The following MKLN1 variants were observed in gnomAD, a reference collection of about 807,000 sequenced individuals.
MKLN1 encodes the protein muskelin 1.
In MKLN1, 18 loss-of-function variants were observed where a neutral mutation model predicts 99.0. That is an observed-to-expected ratio of 0.18 (90% confidence interval 0.13 to 0.27). MKLN1 has a LOEUF of 0.27. MKLN1 is among the 10% of genes least tolerant of loss of function. The pLI is 1.00. For missense variants in MKLN1, 621 were observed against 875.9 expected, an observed-to-expected ratio of 0.71 and a Z score of 3.67; for synonymous variants, 288 against 293.2, an observed-to-expected ratio of 0.98 and a Z score of 0.18.
intron 6 of MKLN1, among the ~76,000 whole-genome samples, chr7:131,401,040 G>T (rs1270651169): frequency 6.6e-6 from 1 of 152,078 alleles, no homozygotes; most frequent in East Asian, 1.9e-4. Context: ...ACAGTGCAGA[G>T]TTTTTTGGCT....
intron 16 of MKLN1, 149 bp from the exon 17 acceptor site, chr7:131,478,474 G>A (rs1797025221): frequency 1.6e-6 from 1 of 628,560 alleles, no homozygotes. Flanking sequence ...TGTTCTTCTT[G>A]CCACTATTTG....
intron 3 of MKLN1, among the ~76,000 whole-genome samples, chr7:131,213,234 G>A (rs12533652): frequency 0.18 from 27,677 of 152,012 alleles, 2,956 homozygotes; most frequent in Non-Finnish European, 0.25. Flanking sequence ...ATATTCTGCC[G>A]TGTATTTTAT....
intron 3 of MKLN1, among the ~76,000 whole-genome samples, chr7:131,260,995 A>G (rs571114343): frequency 8.1e-4 from 124 of 152,362 alleles, no homozygotes; most frequent in African/African-American, 2.9e-3. Flanking sequence ...AAATCAACTC[A>G]AGATGGATTA....
chr7:131,282,964 A>T lies in MKLN1; in HGVS notation c.-179+79990A>T, dbSNP rs576123952. ...TCATCTTCATTCCACTGCAGCTCTG[A>T]CTCTGTTTAGGATGCTCACAAGGCC... On this transcript the variant is annotated intron_variant, in intron 3 of 7. Transcript: ENST00000416992. Among the ~76,000 whole-genome samples, 16 of 152,040 alleles carry T rather than the reference A, an allele frequency of 1.1e-4. No individual in the cohort carries two copies. The East Asian group carries it at 2.9e-3, about 28-fold the overall frequency.
At chr7:131,421,923 A>G (rs932045760) in intron 8 of MKLN1, among the ~76,000 whole-genome samples, 1 of 152,190 alleles carries the variant, frequency 6.6e-6, no homozygotes, top group African/African-American at 2.4e-5. Flanking sequence ...GGACACCATA[A>G]ATATATTTAT....
At chr7:131,140,129 C>T (rs751912921) in intron 1 of MKLN1, among the ~76,000 whole-genome samples, 1 of 152,240 alleles carries the variant, frequency 6.6e-6, no homozygotes, top group Non-Finnish European at 1.5e-5. Context: ...GGACCCTGCT[C>T]TCTGCCAAAC....
At chr7:131,163,879 C>T (rs551442084) in intron 2 of MKLN1, among the ~76,000 whole-genome samples, 8 of 151,996 alleles carry the variant, frequency 5.3e-5, no homozygotes, top group Non-Finnish European at 8.8e-5. Context: ...ACATGTATCA[C>T]GGGTATAATT....
intron 4 of MKLN1, among the ~76,000 whole-genome samples, chr7:131,390,375 T>C (rs977861649): frequency 6.6e-6 from 1 of 152,190 alleles, no homozygotes; most frequent in Non-Finnish European, 1.5e-5. Context: ...TTTAGAGTTA[T>C]CAGTTCCTAA....
chr7:131,341,492 A>G (rs1359068297), intron 1 of MKLN1, among the ~76,000 whole-genome samples: 12 of 152,154 alleles, frequency 7.9e-5, no homozygotes, highest in Non-Finnish European at 1.5e-5. Flanking sequence ...TTCAAAGTTT[A>G]TATTGTATCA....
At chr7:131,315,443 A>ACCACCG (rs1798648295) in intron 3 of MKLN1, among the ~76,000 whole-genome samples, 1 of 152,168 alleles carries the variant, frequency 6.6e-6, no homozygotes, top group African/African-American at 2.4e-5. Context: ...CTACACCACC[A>ACCACCG]GGGCCCTGGG....
chr7:131,361,103 T>A lies in MKLN1; in HGVS notation c.99-14321T>A, dbSNP rs114405999. Among the ~76,000 whole-genome samples, 1,168 of 152,046 alleles carry A rather than the reference T, an allele frequency of 7.7e-3. 17 individuals carry two copies. Among genetic ancestry groups the A allele is most frequent in the African/African-American group, 0.027 (1,103 of 41,546 alleles). On this transcript the variant is annotated intron_variant, in intron 1 of 17. Transcript: ENST00000352689. ...GCAGTTTGAATATGATACTCCAACT[T>A]ATAAATTTTTTTGATATTTCCTGCT...
At chr7:131,127,172 A>G (rs1277493096) in intron 1 of MKLN1, among the ~76,000 whole-genome samples, 1 of 118,512 alleles carries the variant, frequency 8.4e-6, no homozygotes, top group African/African-American at 3.4e-5. Context: ...TCTCAAAAAA[A>G]AAAAAAAAAA....
rs913452683 is a variant in MKLN1 at position 131,199,655 on chromosome 7, C to A, written c.-296-3202C>A. Among the ~76,000 whole-genome samples the A allele has an allele frequency of 5.3e-5, 8 of 152,282 alleles. No individual in the cohort carries two copies. In the South Asian group the frequency reaches 1.7e-3, roughly 32 times the overall value. The stretch of plus-strand genomic sequence containing the variant: ...TCAAGGCCCATTTTTACTAGTTATA[C>A]CTCTTTTTCTGAGCACGTGAAATAT... On this transcript the variant is annotated intron_variant, in intron 2 of 7. Coordinates refer to the MKLN1 transcript ENST00000416992.
intron 2 of MKLN1, among the ~76,000 whole-genome samples, chr7:131,167,223 A>G (rs985759990): frequency 1.3e-5 from 2 of 152,202 alleles, no homozygotes; most frequent in Non-Finnish European, 2.9e-5. Flanking sequence ...CTACCTCATG[A>G]GTACACCATT....
intron 3 of MKLN1, among the ~76,000 whole-genome samples, chr7:131,219,152 C>T (rs546510562): frequency 6.6e-6 from 1 of 151,816 alleles, no homozygotes; most frequent in Admixed American, 6.6e-5. Context: ...ACACACTTAA[C>T]ACAAATGCAC....
At chr7:131,133,869 G>A (rs147872921) in intron 1 of MKLN1, among the ~76,000 whole-genome samples, 1 of 102,094 alleles carries the variant, frequency 9.8e-6, no homozygotes, top group South Asian at 3.4e-4. Flanking sequence ...TGCTCTTGTC[G>A]CCCAGGCTGG....
At chr7:131,124,189 T>C (rs1795419619) in intron 1 of MKLN1, among the ~76,000 whole-genome samples, 1 of 152,100 alleles carries the variant, frequency 6.6e-6, no homozygotes, top group Non-Finnish European at 1.5e-5. Context: ...TGGTAGACAA[T>C]GAGTAAATGG....
rs569950356 is a variant in MKLN1, at chr7:131,144,362, G to A, written c.-297+1421G>A. On this transcript the variant is annotated intron_variant, in intron 2 of 7. Coordinates refer to the MKLN1 transcript ENST00000416992. ...CCGGGCGTGGTGGTGGGCGCCTGTA[G>A]TCCCAGCTACTCGGGAGGCCAAGGA... Among the ~76,000 whole-genome samples, 4 of 151,222 alleles carry A rather than the reference G, an allele frequency of 2.6e-5. No homozygotes were observed. The East Asian group carries it at 5.9e-4, about 22-fold the overall frequency.
chr7:131,257,838 G>T (rs914093070), intron 3 of MKLN1, among the ~76,000 whole-genome samples: 8 of 152,148 alleles, frequency 5.3e-5, no homozygotes, highest in Non-Finnish European at 8.8e-5. Context: ...AAAAAGCAGA[G>T]ACCGGGTGTG....
Sources: gnomAD v4.1 joint callset for allele counts (sites outside exome capture counted in the v4.1 genomes callset) on GRCh38, gnomAD v4.1.1 for gene constraint, MANE v1.5 for transcripts, NCBI Gene and HGNC (gene_info 2026-07-23, HGNC 2026-07-21) for gene names.